Variants in TMEFF2 observed in about 807,000 individuals in gnomAD.
The protein encoded by TMEFF2 is transmembrane protein with EGF like and two follistatin like domains 2.
TMEFF2 carries 28 observed loss-of-function variants against 53.8 expected under a neutral mutation model. The ratio of observed to expected loss-of-function variants is 0.52; its 90% CI spans 0.39 to 0.71. The LOEUF is 0.71. Ranked by LOEUF, TMEFF2 falls within the 30% of genes least tolerant of loss-of-function variation. The probability of loss-of-function intolerance (pLI) is 0.00; values close to 1 mark genes in which losing one functional copy is unlikely to be tolerated. For missense variants in TMEFF2, 353 were observed against 455.2 expected, an observed-to-expected ratio of 0.78 and a Z score of 2.04; for synonymous variants, 162 against 166.3, an observed-to-expected ratio of 0.97 and a Z score of 0.20.
chr2:192,130,290 T>C (rs1455843303), intron 4 of TMEFF2, among the ~76,000 whole-genome samples: 1 of 152,174 alleles, frequency 6.6e-6, no homozygotes, highest in Non-Finnish European at 1.5e-5. Context: ...CCCTTCCTCC[T>C]CCTTCTCCTC....
At chr2:192,144,078 T>C (rs1198268559) in intron 4 of TMEFF2, among the ~76,000 whole-genome samples, 2 of 152,112 alleles carry the variant, frequency 1.3e-5, no homozygotes, top group Non-Finnish European at 2.9e-5. Context: ...ATCATAAGTC[T>C]TCATTTATGT....
intron 4 of TMEFF2, among the ~76,000 whole-genome samples, chr2:192,101,963 T>C (rs1204134278): frequency 6.6e-6 from 1 of 152,206 alleles, no homozygotes; most frequent in Non-Finnish European, 1.5e-5. Context: ...ATGATTATTA[T>C]GTGCTGTTGG....
intron 4 of TMEFF2, among the ~76,000 whole-genome samples, chr2:192,064,256 A>G (rs1382387969): frequency 6.6e-6 from 1 of 151,800 alleles, no homozygotes. Context: ...TTATTCTATT[A>G]CTTCATGAAA....
At chr2:192,133,924 A>G (rs1689928268) in intron 4 of TMEFF2, among the ~76,000 whole-genome samples, 1 of 152,152 alleles carries the variant, frequency 6.6e-6, no homozygotes, top group South Asian at 2.1e-4. Context: ...AATCCCTTAC[A>G]AAACAACAAC....
chr2:192,096,670 C>CTT (rs1179296312), intron 4 of TMEFF2, among the ~76,000 whole-genome samples: 1 of 53,686 alleles, frequency 1.9e-5, no homozygotes, highest in African/African-American at 1.3e-4. Context: ...CTCTCTCTCT[C>CTT]TTTTTTTTTT....
chr2:192,149,506 G>T (rs1276079628), intron 4 of TMEFF2, among the ~76,000 whole-genome samples: 1 of 151,850 alleles, frequency 6.6e-6, no homozygotes, highest in African/African-American at 2.4e-5. Flanking sequence ...GACTTCTGGG[G>T]GATTTTTAAT....
At chr2:192,079,312 C>T (rs1181801107) in intron 4 of TMEFF2, among the ~76,000 whole-genome samples, 1 of 152,196 alleles carries the variant, frequency 6.6e-6, no homozygotes, top group Non-Finnish European at 1.5e-5. Context: ...TGCCTCCTTT[C>T]CTCTTTCTTT....
In TMEFF2 at chr2:192,194,272, C is replaced by T; in HGVS notation, c.172+81G>A. On this transcript the variant is annotated intron_variant, in intron 1 of 9. Coordinates refer to ENST00000272771, the MANE Select transcript of TMEFF2 (RefSeq NM_016192.4). The surrounding 1 kb of genome is among the most constrained non-coding windows in gnomAD (Gnocchi z 4.2). Reference sequence around the variant, plus strand: ...TAGGAGGTGAGGGGCTGAGGAGGCGCGCTAGGGTAGGCTGGTCTGTGCTGG... The same window carrying T: ...TAGGAGGTGAGGGGCTGAGGAGGCGTGCTAGGGTAGGCTGGTCTGTGCTGG... 6.5e-7 allele frequency: 1 copy of T among 1,542,400 alleles called. No homozygotes were observed. The highest frequency in any genetic ancestry group is 8.9e-7 in the Non-Finnish European group (1 of 1,129,648).
intron 7 of TMEFF2, among the ~76,000 whole-genome samples, chr2:191,959,843 A>G (rs1692220701): frequency 6.6e-6 from 1 of 152,082 alleles, no homozygotes. Context: ...CTGAAAGTTA[A>G]GTTGTATTAT....
At chr2:192,015,318 T>TTC (rs1175019996) in intron 5 of TMEFF2, among the ~76,000 whole-genome samples, 2 of 138,954 alleles carry the variant, frequency 1.4e-5, no homozygotes, top group Admixed American at 1.4e-4. Context: ...CTTTTTTTTT[T>TTC]TTTTTTTTTT....
rs183617759 is a variant in TMEFF2, at chr2:191,991,998, T to A, written c.745+6264A>T. The stretch of plus-strand genomic sequence containing the variant: ...TTGTGAGTTAGAGTTCATAGAAAGC[T>A]TTATGAATTTTGCAGCACTCTAATG... On this transcript the variant is annotated intron_variant, in intron 7 of 9. Coordinates refer to ENST00000272771, the MANE Select transcript of TMEFF2 (RefSeq NM_016192.4). Among the ~76,000 whole-genome samples the A allele has an allele frequency of 3.9e-5, 6 of 152,232 alleles. No homozygotes were observed. In the East Asian group the frequency reaches 1.2e-3, roughly 29 times the overall value.
At chr2:192,135,856 C>G (rs1400611089) in intron 4 of TMEFF2, among the ~76,000 whole-genome samples, 1 of 151,790 alleles carries the variant, frequency 6.6e-6, no homozygotes, top group African/African-American at 2.4e-5. Flanking sequence ...AGTGATTAAC[C>G]CTGTGAATTT....
intron 4 of TMEFF2, among the ~76,000 whole-genome samples, chr2:192,143,450 A>G (rs1690182994): frequency 6.6e-6 from 1 of 152,146 alleles, no homozygotes; most frequent in African/African-American, 2.4e-5. Flanking sequence ...TTCTATATTT[A>G]TAAATTATTT....
chr2:192,144,930 AC>A (rs1690214700), intron 4 of TMEFF2, among the ~76,000 whole-genome samples: 1 of 151,996 alleles, frequency 6.6e-6, no homozygotes, highest in South Asian at 2.1e-4. Context: ...GAGTTTTCTA[AC>A]ATTTTCAAAA....
At chr2:191,957,036 C>T (rs1243854824) in intron 7 of TMEFF2, among the ~76,000 whole-genome samples, 1 of 152,108 alleles carries the variant, frequency 6.6e-6, no homozygotes, top group Admixed American at 6.5e-5. Flanking sequence ...TATTTAAATG[C>T]ATATTTGGCC....
intron 4 of TMEFF2, chr2:192,176,974 C>T (rs1559158679): frequency 6.6e-6 from 1 of 151,042 alleles, no homozygotes; most frequent in Non-Finnish European, 1.5e-5. Context: ...GTTCAGTGTA[C>T]TCCATTTTGG....
intron 7 of TMEFF2, among the ~76,000 whole-genome samples, chr2:191,972,308 CTTTTT>C (rs764218539): frequency 6.9e-5 from 5 of 72,822 alleles, no homozygotes; most frequent in African/African-American, 1.8e-4. Flanking sequence ...TCATGCCCAG[CTTTTT>C]TTTTTTTTTT....
chr2:192,094,398 C>T (rs1364031142), intron 4 of TMEFF2, among the ~76,000 whole-genome samples: 2 of 152,150 alleles, frequency 1.3e-5, no homozygotes, highest in Non-Finnish European at 2.9e-5. Context: ...CTGACCCAAA[C>T]GCATTTCAAG....
intron 4 of TMEFF2, chr2:192,178,374 T>C (rs951785723): frequency 6.6e-5 from 10 of 151,046 alleles, no homozygotes; most frequent in Non-Finnish European, 1.3e-4. Context: ...CTAGGGACGC[T>C]TTCTTGGGAA....
Sources: gnomAD v4.1 joint callset for allele counts (sites outside exome capture counted in the v4.1 genomes callset) on GRCh38, gnomAD v4.1.1 for gene constraint, Gnocchi (gnomAD v3.1) non-coding constraint, MANE v1.5 for transcripts, NCBI Gene and HGNC (gene_info 2026-07-23, HGNC 2026-07-21) for gene names.